The following ADAM2 variants were observed in gnomAD, a reference collection of about 807,000 sequenced individuals.
ADAM2 encodes disintegrin and metalloproteinase domain-containing protein 2.
Under a neutral mutation model 99.3 loss-of-function variants are expected in ADAM2, and 101 were observed. That is an observed-to-expected ratio of 1.02 (90% CI 0.87 to 1.20). The LOEUF is 1.20. Ranked by LOEUF, ADAM2 falls within the 50% of genes most tolerant of loss-of-function variation. ADAM2 has a pLI of 0.00. For missense variants in ADAM2, 948 were observed against 878.7 expected, an observed-to-expected ratio of 1.08 and a Z score of -1.00; for synonymous variants, 323 against 287.6, an observed-to-expected ratio of 1.12 and a Z score of -1.25.
chr8:39,791,375 G>A (rs1388035763), intron 7 of ADAM2, among the ~76,000 whole-genome samples: 1 of 152,038 alleles, frequency 6.6e-6, no homozygotes, highest in African/African-American at 2.4e-5. Context: ...GCCTGACACA[G>A]CTTATGTCTA....
In ADAM2 at chr8:39,829,470, C is replaced by T. The variant is rs538040038; in HGVS notation, c.188+4474G>A. ...TACTTACAGTTAGAGAAGTTACTTA[C>T]AGTTAGAGAAATACATATCAAATCA... is the stretch of plus-strand genomic sequence containing the variant. On this transcript the variant is annotated intron_variant, in intron 3 of 20. Transcript: ENST00000265708. Among the ~76,000 whole-genome samples the T allele has an allele frequency of 4.6e-5, 7 of 151,998 alleles. No individual in the cohort carries two copies. In the South Asian group the frequency reaches 1.5e-3, roughly 32 times the overall value.
At chr8:39,821,413 T>C (rs1209791392) in intron 5 of ADAM2, among the ~76,000 whole-genome samples, 173 bp downstream of exon 5, 1 of 152,168 alleles carries the variant, frequency 6.6e-6, no homozygotes, top group African/African-American at 2.4e-5. Flanking sequence ...AAAATCATAA[T>C]CCTGCATAAG....
chr8:39,747,244 A>G (rs1823509601), intron 18 of ADAM2, among the ~76,000 whole-genome samples: 1 of 152,190 alleles, frequency 6.6e-6, no homozygotes, highest in Non-Finnish European at 1.5e-5. Context: ...CAATGAACGT[A>G]CATGCTACCT....
chr8:39,761,103 C>G, intron 15 of ADAM2, 73 bp downstream of exon 15: 4 of 945,738 alleles, frequency 4.2e-6, no homozygotes, highest in Non-Finnish European at 6.1e-6. Flanking sequence ...CTTACATAAA[C>G]TTAATTGTTT....
At chr8:39,749,189 A>G (rs1271049938) in intron 18 of ADAM2, 123 bp downstream of exon 18, 7 of 817,564 alleles carry the variant, frequency 8.6e-6, no homozygotes, top group Non-Finnish European at 1.3e-5. Flanking sequence ...ATACACATTC[A>G]TGTGCAGTTT....
At chr8:39,803,006 T>C (rs1804281159) in intron 7 of ADAM2, among the ~76,000 whole-genome samples, 1 of 152,176 alleles carries the variant, frequency 6.6e-6, no homozygotes, top group Non-Finnish European at 1.5e-5. Context: ...CCTCCTCTCA[T>C]GAATCTTAAT....
At chr8:39,814,031 G>A (rs1804816239) in intron 6 of ADAM2, among the ~76,000 whole-genome samples, 1 of 151,888 alleles carries the variant, frequency 6.6e-6, no homozygotes, top group Non-Finnish European at 1.5e-5. Flanking sequence ...GCCAGGAGCT[G>A]TGTGTGTTGA....
intron 3 of ADAM2, among the ~76,000 whole-genome samples, chr8:39,831,579 G>C (rs562523643): frequency 6.6e-6 from 1 of 152,044 alleles, no homozygotes; most frequent in Non-Finnish European, 1.5e-5. Flanking sequence ...AGGTTTTAAC[G>C]TTGAAACAGA....
intron 10 of ADAM2, among the ~76,000 whole-genome samples, chr8:39,786,589 A>C (rs1803475920): frequency 6.6e-6 from 1 of 152,134 alleles, no homozygotes; most frequent in Admixed American, 6.6e-5. Context: ...AAGGCGACTG[A>C]TACTTTCAAA....
At chr8:39,754,251 C>G (rs1190613357) in intron 16 of ADAM2, among the ~76,000 whole-genome samples, 1 of 152,122 alleles carries the variant, frequency 6.6e-6, no homozygotes, top group Non-Finnish European at 1.5e-5. Flanking sequence ...TCCAATCAAC[C>G]CTTTTGAAGG....
chr8:39,779,650 G>A (rs1461212644), intron 10 of ADAM2, among the ~76,000 whole-genome samples: 1 of 152,072 alleles, frequency 6.6e-6, no homozygotes, highest in Non-Finnish European at 1.5e-5. Context: ...TTTCAACAGA[G>A]CAGACAATTT....
At chr8:39,804,012 C>A (rs1426024179) in intron 7 of ADAM2, among the ~76,000 whole-genome samples, 1 of 152,260 alleles carries the variant, frequency 6.6e-6, no homozygotes, top group African/African-American at 2.4e-5. Context: ...ACTGGAGCAC[C>A]ATCTCATTCG....
intron 10 of ADAM2, among the ~76,000 whole-genome samples, chr8:39,783,609 C>T (rs1490628589): frequency 2.0e-5 from 3 of 152,030 alleles, no homozygotes; most frequent in Non-Finnish European, 2.9e-5. Flanking sequence ...TATCTAAAGA[C>T]GTATAATTGT....
chr8:39,749,030 C>T (rs1823590956), intron 18 of ADAM2, among the ~76,000 whole-genome samples: 1 of 152,174 alleles, frequency 6.6e-6, no homozygotes, highest in Middle Eastern at 3.4e-3. Flanking sequence ...CTCATCTATG[C>T]AATTACCGGA....
intron 15 of ADAM2, among the ~76,000 whole-genome samples, chr8:39,757,513 A>G (rs555730803): frequency 1.3e-5 from 2 of 152,148 alleles, no homozygotes; most frequent in Non-Finnish European, 2.9e-5. Flanking sequence ...TTGACTGGAA[A>G]CTTAGACTGA....
Position 39,821,587 on chromosome 8 carries a change from T to C in ADAM2, c.343A>G (p.Arg115Gly), listed in dbSNP as rs1245594381. ...VVMVSTCTGL[R>G]GVLQFENVSY... is the part of the protein sequence containing the mutation. ...ATTCATAAAACAGTAAATTACAACC[T>C]GAGTCCAGTACATGTGCTAACCATC... Residue 115 changes from arginine (R) to glycine (G), a missense_variant and splice_region_variant, in exon 5 of 21, where the codon AGG becomes GGG. By Grantham distance (125) the Arg-to-Gly change is moderately radical. Coordinates refer to ENST00000265708, the MANE Select transcript of ADAM2 (RefSeq NM_001464.5). The C allele has an allele frequency of 2.5e-6, 4 of 1,583,008 alleles. No homozygotes were observed. The highest frequency in any genetic ancestry group is 3.5e-6 in the Non-Finnish European group (4 of 1,153,900).
In ADAM2 at chr8:39,752,899, C is replaced by T. The variant is rs1288719712; in HGVS notation, c.1797+2829G>A. 3.3e-5 allele frequency among the ~76,000 whole-genome samples: 5 copies of T among 152,284 alleles called. No individual in the cohort carries two copies. In the East Asian group the frequency reaches 9.7e-4, roughly 29 times the overall value. On this transcript the variant is annotated intron_variant, in intron 16 of 20. Transcript: ENST00000265708. The stretch of plus-strand genomic sequence containing the variant: ...GTGAGGCCTCCCCAGCCACGCGGAA[C>T]TGTGAGTCCATTAAATCTTGTTTTC...
At position 39,765,400 on chromosome 8, in the gene ADAM2, G is replaced by C. The variant is rs562972482; in HGVS notation, c.1507+1448C>G. On this transcript the variant is annotated intron_variant, in intron 14 of 20. Transcript: ENST00000265708. ...AAATGAAACAGAAAACATTACCACTGATACTACAATGATACCTTATGATAT... is the reference window on the plus strand; with the variant it reads ...AAATGAAACAGAAAACATTACCACTCATACTACAATGATACCTTATGATAT... Among the ~76,000 whole-genome samples, 148 of 152,154 alleles carry C rather than the reference G, an allele frequency of 9.7e-4. 1 individual carries two copies. Among genetic ancestry groups the C allele is most frequent in the African/African-American group, 3.5e-3 (144 of 41,520 alleles).
At chr8:39,804,327 G>A (rs752219270) in intron 7 of ADAM2, among the ~76,000 whole-genome samples, 16 of 152,290 alleles carry the variant, frequency 1.1e-4, no homozygotes, top group East Asian at 7.7e-4. Flanking sequence ...GCAGGTGTTC[G>A]TAGGGAATGA....
Sources: gnomAD v4.1 joint callset for allele counts (sites outside exome capture counted in the v4.1 genomes callset) on GRCh38, gnomAD v4.1.1 for gene constraint, MANE v1.5 for transcripts, NCBI Gene and HGNC (gene_info 2026-07-23, HGNC 2026-07-21) for gene names.